The following NSUN6 variants were observed in gnomAD, a reference collection of about 807,000 sequenced individuals.
The protein encoded by NSUN6 is tRNA (cytosine(72)-C(5))-methyltransferase NSUN6.
Under a neutral mutation model 58.0 loss-of-function variants are expected in NSUN6, and 64 were observed. The ratio of observed to expected loss-of-function variants is 1.10; its 90% CI spans 0.90 to 1.36. The LOEUF is 1.36. Ranked by LOEUF, NSUN6 falls within the 40% of genes most tolerant of loss-of-function variation. NSUN6 has a pLI of 0.00. For synonymous variants in NSUN6, 231 were observed against 193.9 expected, an observed-to-expected ratio of 1.19 and a Z score of -1.59; for missense variants, 701 against 550.1, an observed-to-expected ratio of 1.27 and a Z score of -2.74.
At chr10:18,602,924 A>G (rs1317268819) in intron 6 of NSUN6, among the ~76,000 whole-genome samples, 1 of 152,228 alleles carries the variant, frequency 6.6e-6, no homozygotes, top group African/African-American at 2.4e-5. Flanking sequence ...TTATCAAGCT[A>G]ATATCAGACT....
chr10:18,642,883 A>G (rs1564843054), intron 2 of NSUN6, among the ~76,000 whole-genome samples: 1 of 152,216 alleles, frequency 6.6e-6, no homozygotes, highest in Non-Finnish European at 1.5e-5. Context: ...CTTTAAGAAA[A>G]GTTTCTGAAT....
At chr10:18,617,016 C>A (rs2058435128) in intron 3 of NSUN6, among the ~76,000 whole-genome samples, 2 of 152,078 alleles carry the variant, frequency 1.3e-5, no homozygotes, top group Non-Finnish European at 2.9e-5. Flanking sequence ...TTTCCTGGTC[C>A]CAAACATTCT....
intron 8 of NSUN6, among the ~76,000 whole-genome samples, chr10:18,573,651 A>G (rs1388908468): frequency 2.0e-5 from 3 of 152,196 alleles, no homozygotes. Context: ...TGATGAAGAT[A>G]TAGGGAAGGT....
chr10:18,548,528 A>C (rs1192790649), intron 9 of NSUN6, among the ~76,000 whole-genome samples: 1 of 152,016 alleles, frequency 6.6e-6, no homozygotes, highest in Non-Finnish European at 1.5e-5. Flanking sequence ...AAAACTCACA[A>C]ATTTACATTT....
intron 8 of NSUN6, among the ~76,000 whole-genome samples, chr10:18,568,115 T>C (rs2056098870): frequency 6.6e-6 from 1 of 151,594 alleles, no homozygotes; most frequent in African/African-American, 2.4e-5. Flanking sequence ...CTCCATTCCA[T>C]TCCATTCTGC....
At chr10:18,614,352 CAAA>C (rs11405681) in intron 5 of NSUN6, 105 bp downstream of exon 5, 12 of 433,066 alleles carry the variant, frequency 2.8e-5, no homozygotes, top group East Asian at 5.0e-5. Flanking sequence ...GGATTTATAC[CAAA>C]AAAAAAAATT....
chr10:18,562,172 A>G (rs2055562981), intron 8 of NSUN6, among the ~76,000 whole-genome samples: 1 of 150,560 alleles, frequency 6.6e-6, no homozygotes, highest in Non-Finnish European at 1.5e-5. Context: ...AGAATGGAGA[A>G]TGGAAGGGAC....
intron 8 of NSUN6, among the ~76,000 whole-genome samples, chr10:18,573,149 A>G (rs1415772425): frequency 1.4e-5 from 2 of 143,724 alleles, no homozygotes; most frequent in Non-Finnish European, 3.0e-5. Context: ...TCCACTCTCC[A>G]TTTCATTCCA....
intron 6 of NSUN6, among the ~76,000 whole-genome samples, chr10:18,609,476 T>C (rs1554874238): frequency 6.6e-6 from 1 of 152,148 alleles, no homozygotes; most frequent in Non-Finnish European, 1.5e-5. Context: ...TATTGTGAAT[T>C]ATAATAATAC....
At chr10:18,628,439 A>C (rs2058905991) in intron 3 of NSUN6, among the ~76,000 whole-genome samples, 1 of 152,254 alleles carries the variant, frequency 6.6e-6, no homozygotes, top group African/African-American at 2.4e-5. Context: ...AGAAGGCTTC[A>C]GACGACCAAA....
chr10:18,555,189 G>C (rs1230702188), intron 8 of NSUN6, among the ~76,000 whole-genome samples: 3 of 151,168 alleles, frequency 2.0e-5, no homozygotes, highest in South Asian at 4.2e-4. Flanking sequence ...GAATGGAATG[G>C]AGAATGGAAT....
Position 18,548,093 on chromosome 10 carries a change from A to C in NSUN6, c.1197+19T>G. Reference sequence around the variant, plus strand: ...TGTGATTTATCTTATTACACAGAGAAAAATGAAATTACTCCTACCTGGGGC... The same window carrying C: ...TGTGATTTATCTTATTACACAGAGACAAATGAAATTACTCCTACCTGGGGC... On this transcript the variant is annotated intron_variant, in intron 10 of 10. Transcript: ENST00000377304. 1 of 1,612,306 alleles carries C rather than the reference A, an allele frequency of 6.2e-7. No homozygotes were observed. Among genetic ancestry groups the C allele is most frequent in the Non-Finnish European group, 8.5e-7 (1 of 1,178,946 alleles).
intron 3 of NSUN6, among the ~76,000 whole-genome samples, chr10:18,641,473 C>T (rs1451880540): frequency 6.6e-6 from 1 of 151,782 alleles, no homozygotes; most frequent in African/African-American, 2.4e-5. Context: ...TCAAATGATC[C>T]TTCCACCTCA....
At chr10:18,558,357 G>A (rs1438031500) in intron 8 of NSUN6, among the ~76,000 whole-genome samples, 2 of 150,860 alleles carry the variant, frequency 1.3e-5, no homozygotes, top group Non-Finnish European at 3.0e-5. Context: ...ATGGAATGGA[G>A]AATGGAATGG....
rs756660843 is a variant in NSUN6 at position 18,592,317 on chromosome 10, C to T, written c.777+3891G>A. Among the ~76,000 whole-genome samples, 12 of 151,970 alleles carry T rather than the reference C, an allele frequency of 7.9e-5. No homozygotes were observed. The South Asian group carries it at 1.0e-3, about 13-fold the overall frequency. Reference sequence around the variant, plus strand: ...TGCCCAAAGTAATTTATAGACTCAACGGTATTTCCATCAAGCCACGATTGT... The same window carrying T: ...TGCCCAAAGTAATTTATAGACTCAATGGTATTTCCATCAAGCCACGATTGT... On this transcript the variant is annotated intron_variant, in intron 7 of 10. Transcript: ENST00000377304.
chr10:18,559,493 G>A (rs1014265138), intron 8 of NSUN6, among the ~76,000 whole-genome samples: 6 of 151,474 alleles, frequency 4.0e-5, no homozygotes, highest in African/African-American at 9.7e-5. Context: ...GAATGGAATG[G>A]AATGGAATGG....
At chr10:18,578,486 G>A (rs1306859734) in intron 8 of NSUN6, among the ~76,000 whole-genome samples, 1 of 151,974 alleles carries the variant, frequency 6.6e-6, no homozygotes, top group African/African-American at 2.4e-5. Flanking sequence ...TGTGGTAGGT[G>A]GCCCTTCCTG....
chr10:18,621,568 C>T (rs1590097179), intron 3 of NSUN6, among the ~76,000 whole-genome samples: 1 of 152,000 alleles, frequency 6.6e-6, no homozygotes, highest in African/African-American at 2.4e-5. Context: ...TGGTGCAAGG[C>T]CATAAAATAT....
At chr10:18,625,851 G>A (rs768208217) in intron 3 of NSUN6, among the ~76,000 whole-genome samples, 6 of 150,524 alleles carry the variant, frequency 4.0e-5, no homozygotes, top group African/African-American at 7.3e-5. Flanking sequence ...AAAAGACAAC[G>A]TACTGTTAAA....
Sources: allele counts gnomAD v4.1 joint callset (sites outside exome capture counted in the v4.1 genomes callset), GRCh38; gene constraint gnomAD v4.1.1; transcripts MANE v1.5; gene names NCBI Gene and HGNC (gene_info 2026-07-23, HGNC 2026-07-21).